The following APCDD1 variants were observed in gnomAD, a reference collection of about 807,000 sequenced individuals.
The protein encoded by APCDD1 is protein APCDD1.
In APCDD1, 15 loss-of-function variants were observed where a neutral mutation model predicts 38.1. The ratio of observed to expected loss-of-function variants is 0.39; its 90% CI spans 0.26 to 0.61. The LOEUF (loss-of-function observed/expected upper bound fraction) is 0.61, where lower values mean the gene tolerates loss of function less well. Among genes scored for constraint, APCDD1 ranks in the 20% least tolerant of loss-of-function variants. The probability of loss-of-function intolerance (pLI) is 0.49; values close to 1 mark genes in which losing one functional copy is unlikely to be tolerated. For missense variants in APCDD1, 647 were observed against 696.2 expected, an observed-to-expected ratio of 0.93 and a Z score of 0.79; for synonymous variants, 261 against 279.7, an observed-to-expected ratio of 0.93 and a Z score of 0.67.
rs143146906 is a variant in APCDD1, at chr18:10,485,717, C to T, written c.1030C>T (p.Arg344Trp). The stretch of plus-strand genomic sequence containing the variant: ...GCACCCCACCTTCTCCATCTACGCC[C>T]GGGGCCGCTACAGCCGCGGCGTCCT... The part of the protein sequence containing the change: ...CKHPTFSIYA[R>W]GRYSRGVLSS... The change falls in exon 4 of 5, where the codon CGG becomes TGG. Residue 344 changes from arginine (R) to tryptophan (W), a missense_variant. Transcript: ENST00000355285. This position sits in a 1 kb window ranked among gnomAD's most constrained non-coding sequence, Gnocchi z 5.8. 1.2e-5 allele frequency: 19 copies of T among 1,613,990 alleles called. No homozygotes were observed. Among genetic ancestry groups the T allele is most frequent in the African/African-American group, 4.0e-5 (3 of 74,932 alleles).
rs950729159 is a variant in APCDD1 at position 10,485,408 on chromosome 18, A to G, written c.775-54A>G. 1.3e-6 allele frequency: 2 copies of G among 1,598,076 alleles called. No homozygotes were observed. Among genetic ancestry groups the G allele is most frequent in the Admixed American group, 3.3e-5 (2 of 60,006 alleles). On this transcript the variant is annotated intron_variant, in intron 3 of 4. Transcript: ENST00000355285. The surrounding 1 kb of genome is among the most constrained non-coding windows in gnomAD (Gnocchi z 5.8). The stretch of plus-strand genomic sequence containing the variant: ...CCCCATTTGCCGGAAGCATGTGTGC[A>G]CTGCTCCCTTGGGAAGATAGAGGCC...
chr18:10,481,682 TAA>T (rs34860980), intron 3 of APCDD1, among the ~76,000 whole-genome samples: 1 of 143,096 alleles, frequency 7.0e-6, no homozygotes, highest in African/African-American at 2.6e-5. Context: ...AACACAGTAA[TAA>T]AAAAAAAAAA....
rs1478476095 is a variant in APCDD1 at position 10,472,754 on chromosome 18, G to C, written c.774+693G>C. Among the ~76,000 whole-genome samples the C allele has an allele frequency of 1.3e-5, 2 of 152,232 alleles. No homozygotes were observed. Among genetic ancestry groups the C allele is most frequent in the Non-Finnish European group, 2.9e-5 (2 of 68,036 alleles). On this transcript the variant is annotated intron_variant, in intron 3 of 4. Coordinates refer to ENST00000355285, the MANE Select transcript of APCDD1 (RefSeq NM_153000.5). The surrounding 1 kb of genome is among the most constrained non-coding windows in gnomAD (Gnocchi z 6.6). Reference sequence around the variant, plus strand: ...CATAATCAGAAGAGGGGACTAAGGAGAGCAGGAAACAATTAAACCTTATAA... The same window carrying C: ...CATAATCAGAAGAGGGGACTAAGGACAGCAGGAAACAATTAAACCTTATAA...
At chr18:10,481,402 TGAG>T (rs1412095250) in intron 3 of APCDD1, among the ~76,000 whole-genome samples, 3 of 152,074 alleles carry the variant, frequency 2.0e-5, no homozygotes, top group Admixed American at 2.0e-4. Flanking sequence ...CGATAAAACT[TGAG>T]GAGCTTATAG....
In APCDD1 at chr18:10,471,383, G is replaced by T; in HGVS notation, c.243-147G>T. On this transcript the variant is annotated intron_variant, in intron 2 of 4. Coordinates refer to ENST00000355285, the MANE Select transcript of APCDD1 (RefSeq NM_153000.5). This position sits in a 1 kb window ranked among gnomAD's most constrained non-coding sequence, Gnocchi z 5.5. ...TCCTAGGTTGTTGTGAGGAGTCAATGAGTTGGTATCTATAAAGGGCTGACA... is the reference window on the plus strand; with the variant it reads ...TCCTAGGTTGTTGTGAGGAGTCAATTAGTTGGTATCTATAAAGGGCTGACA... The T allele has an allele frequency of 2.0e-6, 2 of 1,024,842 alleles. No individual in the cohort carries two copies. Among genetic ancestry groups the T allele is most frequent in the South Asian group, 2.8e-5 (2 of 70,302 alleles). The allele number at this position is 1,024,842 out of a possible 1,614,324, so 63.5% of individuals were successfully genotyped here. A position where few individuals can be genotyped will look rare whatever the true frequency, so the allele number is the denominator to read the frequency against.
In APCDD1 at chr18:10,455,084, A is replaced by G. The variant is rs201120946; in HGVS notation, c.58+45A>G. ...TCGAGCGCTCCCAGCCGGCGGAGGC[A>G]GCCCGGGCGCCGCGGAGCCCGCGGA... On this transcript the variant is annotated intron_variant, in intron 1 of 4. Coordinates refer to ENST00000355285, the MANE Select transcript of APCDD1 (RefSeq NM_153000.5). 8.7e-3 allele frequency: 13,493 copies of G among 1,545,462 alleles called. 104 individuals are homozygous for G. The highest frequency in any genetic ancestry group is 9.4e-3 in the Non-Finnish European group (10,811 of 1,144,840).
chr18:10,486,702 T>C (rs1193876658), intron 4 of APCDD1, among the ~76,000 whole-genome samples: 1 of 152,152 alleles, frequency 6.6e-6, no homozygotes, highest in East Asian at 1.9e-4. Flanking sequence ...GGTTGCTTTT[T>C]TTTTCCCCCT....
At chr18:10,486,470 C>A (rs1226358247) in intron 4 of APCDD1, among the ~76,000 whole-genome samples, 2 of 152,222 alleles carry the variant, frequency 1.3e-5, no homozygotes, top group Non-Finnish European at 2.9e-5. Context: ...ACAGTGCTTT[C>A]CTGAGTGAGC....
rs1340561314 is a variant in APCDD1 at position 10,489,802 on chromosome 18, T to G, written c.*1764T>G. On this transcript the variant is annotated 3_prime_UTR_variant, in exon 5 of 5. Coordinates refer to ENST00000355285, the MANE Select transcript of APCDD1 (RefSeq NM_153000.5). Reference sequence around the variant, plus strand: ...AAAGTGCTTCAGGTTATATTTTAAGTTGTGGTGCAGACTGAGGGGGCTTAT... The same window carrying G: ...AAAGTGCTTCAGGTTATATTTTAAGGTGTGGTGCAGACTGAGGGGGCTTAT... The G allele has an allele frequency of 6.6e-6, 1 of 152,126 alleles. No homozygotes were observed. Among genetic ancestry groups the G allele is most frequent in the African/African-American group, 2.4e-5 (1 of 41,418 alleles). The allele number at this position is 152,126 out of a possible 1,614,324, so 9.4% of individuals were successfully genotyped here.
intron 2 of APCDD1, 124 bp downstream of exon 2, chr18:10,468,776 T>C: frequency 9.3e-7 from 1 of 1,070,424 alleles, no homozygotes; most frequent in Non-Finnish European, 1.4e-6. Flanking sequence ...GTCCAAGTTC[T>C]AATGAAGAAC....
At chr18:10,455,649 A>C (rs2030362016) in intron 1 of APCDD1, among the ~76,000 whole-genome samples, 1 of 152,208 alleles carries the variant, frequency 6.6e-6, no homozygotes, top group Non-Finnish European at 1.5e-5. Flanking sequence ...GACCCCTATT[A>C]GCCAAGATTT....
chr18:10,468,479 GGGTTCT>G lies in APCDD1; in HGVS notation c.71_76del (p.Gly24_Ser25del), dbSNP rs1568003393. ...ACCTTTATTTTTCAGGGCTGGGAGA[GGGTTCT>G]GCCCTCCTTCATCCAGACAGCAGGT... On this transcript the variant is annotated inframe_deletion, in exon 2 of 5. Transcript: ENST00000355285. The G allele has an allele frequency of 1.2e-6, 2 of 1,614,180 alleles. No individual in the cohort carries two copies. Among genetic ancestry groups the G allele is most frequent in the East Asian group, 2.2e-5 (1 of 44,894 alleles).
rs528507500 is a variant in APCDD1 at position 10,459,199 on chromosome 18, T to C, written c.58+4160T>C. Reference sequence around the variant, plus strand: ...AGCATTCTCCCTTCCTTGAGGATTCTTGAAGAATATCTAGGTGAGAGAAGG... The same window carrying C: ...AGCATTCTCCCTTCCTTGAGGATTCCTGAAGAATATCTAGGTGAGAGAAGG... On this transcript the variant is annotated intron_variant, in intron 1 of 4. Coordinates refer to ENST00000355285, the MANE Select transcript of APCDD1 (RefSeq NM_153000.5). Among the ~76,000 whole-genome samples, 3 of 152,324 alleles carry C rather than the reference T, an allele frequency of 2.0e-5. No individual in the cohort carries two copies. In the South Asian group the frequency reaches 6.2e-4, roughly 32 times the overall value.
rs553518642 is a variant in APCDD1 at position 10,469,967 on chromosome 18, C to T, written c.242+1315C>T. Among the ~76,000 whole-genome samples the T allele has an allele frequency of 6.6e-5, 10 of 152,292 alleles. No homozygotes were observed. The East Asian group carries it at 1.9e-3, about 29-fold the overall frequency. ...GACCAGATCTTCTAACCTAAGAGAA[C>T]TGAAAAGTCATTGAAGAGCTTTCAG... On this transcript the variant is annotated intron_variant, in intron 2 of 4. Transcript: ENST00000355285. The surrounding 1 kb of genome is among the most constrained non-coding windows in gnomAD (Gnocchi z 5.5).
rs2031237623 is a variant in APCDD1 at position 10,485,761 on chromosome 18, A to G, written c.1074A>G (p.Gly358=). 6.2e-7 allele frequency: 1 copy of G among 1,613,278 alleles called. No homozygotes were observed. Among genetic ancestry groups the G allele is most frequent in the African/African-American group, 1.3e-5 (1 of 74,900 alleles). The change falls in exon 4 of 5, where the codon GGA becomes GGG. Residue 358 remains glycine (G), a synonymous_variant. Coordinates refer to ENST00000355285, the MANE Select transcript of APCDD1 (RefSeq NM_153000.5). This position sits in a 1 kb window ranked among gnomAD's most constrained non-coding sequence, Gnocchi z 5.8. ...SRGVLSSRVM[G]GTEFVFKVNH... ...GCGTCCTCTCGTCCAGGGTCATGGG[A>G]GGCACCGAGTTCGTGTTCAAAGGTA...
chr18:10,465,516 A>G (rs1470814846), intron 1 of APCDD1, among the ~76,000 whole-genome samples: 1 of 152,244 alleles, frequency 6.6e-6, no homozygotes, highest in East Asian at 1.9e-4. Context: ...TGAAGCAAAT[A>G]TTTATTGCTG....
At chr18:10,466,398 T>C (rs374857189) in intron 1 of APCDD1, among the ~76,000 whole-genome samples, 11 of 152,204 alleles carry the variant, frequency 7.2e-5, no homozygotes, top group African/African-American at 2.4e-4. Context: ...AAAGACACAG[T>C]GTAGATGGGT....
chr18:10,488,650 A>G lies in APCDD1; in HGVS notation c.*612A>G, dbSNP rs1005496241. 1.4e-4 allele frequency: 21 copies of G among 152,314 alleles called. No individual in the cohort carries two copies. Among genetic ancestry groups the G allele is most frequent in the African/African-American group, 4.8e-4 (20 of 41,448 alleles). 9.4% of individuals were successfully genotyped at this position (152,314 alleles called of 1,614,324 possible). On this transcript the variant is annotated 3_prime_UTR_variant, in exon 5 of 5. Coordinates refer to ENST00000355285, the MANE Select transcript of APCDD1 (RefSeq NM_153000.5). ...GGAGAATCAAAGCTTTCATTTCAGA[A>G]ATGTTGCGTGGAAAAGTATCTGTAA...
In APCDD1 at chr18:10,470,597, G is replaced by T. The variant is rs2030827080; in HGVS notation, c.243-933G>T. On this transcript the variant is annotated intron_variant, in intron 2 of 4. Transcript: ENST00000355285. The surrounding 1 kb of genome is among the most constrained non-coding windows in gnomAD (Gnocchi z 4.1). ...CAGAATCTGTGTTAGCATCATAGAT[G>T]AGAGCAGAGTGGGAAGGCCAGAATT... 6.6e-6 allele frequency among the ~76,000 whole-genome samples: 1 copy of T among 152,242 alleles called. No individual in the cohort carries two copies. The highest frequency in any genetic ancestry group is 2.1e-4 in the South Asian group (1 of 4,832).
Sources: allele counts gnomAD v4.1 joint callset (sites outside exome capture counted in the v4.1 genomes callset), GRCh38; gene constraint gnomAD v4.1.1; non-coding constraint Gnocchi (gnomAD v3.1); transcripts MANE v1.5; gene names NCBI Gene and HGNC (gene_info 2026-07-23, HGNC 2026-07-21).